The following VAPA variants were observed in gnomAD, a reference collection of about 807,000 sequenced individuals.
VAPA encodes vesicle-associated membrane protein-associated protein A.
Under a neutral mutation model 25.6 loss-of-function variants are expected in VAPA, and 6 were observed. The observed-to-expected ratio is 0.23, with a 90% confidence interval of 0.13 to 0.46. The LOEUF (loss-of-function observed/expected upper bound fraction) is 0.46. VAPA is among the 20% of genes least tolerant of loss of function. The probability of loss-of-function intolerance (pLI) is 0.99; values close to 1 mark genes in which losing one functional copy is unlikely to be tolerated. For synonymous variants in VAPA, 112 were observed against 106.2 expected, an observed-to-expected ratio of 1.05 and a Z score of -0.34; for missense variants, 244 against 302.1, an observed-to-expected ratio of 0.81 and a Z score of 1.43.
intron 4 of VAPA, among the ~76,000 whole-genome samples, chr18:9,945,588 C>A (rs1187752053): frequency 6.6e-6 from 1 of 152,010 alleles, no homozygotes; most frequent in African/African-American, 2.4e-5. Flanking sequence ...TCTCATTAAA[C>A]TCCGACCTCA....
chr18:9,951,262 G>A (rs1483352812), intron 5 of VAPA: 1 of 152,216 alleles, frequency 6.6e-6, no homozygotes, highest in African/African-American at 2.4e-5. Context: ...ACTGTGACTG[G>A]AAAGGCCCAG....
At chr18:9,953,984 T>A in intron 5 of VAPA, 69 bp from the exon 6 acceptor site, 4 of 1,584,642 alleles carry the variant, frequency 2.5e-6, no homozygotes, top group Non-Finnish European at 3.4e-6. Flanking sequence ...CCCTATAGAT[T>A]TTTAGCTCCA....
chr18:9,945,743 C>G (rs369167969), intron 4 of VAPA, among the ~76,000 whole-genome samples: 242 of 152,178 alleles, frequency 1.6e-3, no homozygotes, highest in African/African-American at 5.5e-3. Context: ...AAAAAATTAT[C>G]TAAATGTTTA....
intron 1 of VAPA, among the ~76,000 whole-genome samples, chr18:9,917,764 G>A (rs1362693964): frequency 6.6e-6 from 1 of 152,130 alleles, no homozygotes; most frequent in Non-Finnish European, 1.5e-5. Context: ...GGGACGTATG[G>A]TGTTAACATC....
At chr18:9,946,578 T>C (rs2069426467) in intron 4 of VAPA, among the ~76,000 whole-genome samples, 1 of 151,828 alleles carries the variant, frequency 6.6e-6, no homozygotes, top group African/African-American at 2.4e-5. Context: ...AGCCAGAAGA[T>C]TGGACACCCG....
intron 1 of VAPA, among the ~76,000 whole-genome samples, chr18:9,917,386 G>T (rs879426630): frequency 1.5e-4 from 23 of 152,130 alleles, no homozygotes; most frequent in Non-Finnish European, 2.1e-4. Flanking sequence ...TGCCTCCCGG[G>T]TTCAAGCAAT....
chr18:9,917,777 C>T (rs1186805767), intron 1 of VAPA, among the ~76,000 whole-genome samples: 1 of 151,958 alleles, frequency 6.6e-6, no homozygotes, highest in Admixed American at 6.6e-5. Context: ...TTAACATCAG[C>T]TAGTGCATCT....
At chr18:9,946,664 G>A (rs183570837) in intron 4 of VAPA, among the ~76,000 whole-genome samples, 242 of 152,136 alleles carry the variant, frequency 1.6e-3, no homozygotes, top group African/African-American at 5.5e-3. Context: ...GGCACTTACT[G>A]TGAATGGATC....
chr18:9,921,625 C>T (rs1174410181), intron 1 of VAPA, among the ~76,000 whole-genome samples: 2 of 152,112 alleles, frequency 1.3e-5, no homozygotes, highest in African/African-American at 4.8e-5. Flanking sequence ...TTCTTTTTAT[C>T]TTACCTTTAC....
Position 9,933,978 on chromosome 18 carries a change from T to G in VAPA, c.232+2016T>G, listed in dbSNP as rs565692005. 2.0e-5 allele frequency among the ~76,000 whole-genome samples: 3 copies of G among 152,358 alleles called. No individual in the cohort carries two copies. The East Asian group carries it at 5.8e-4, about 29-fold the overall frequency. ...TTGCTGGTTTCTGTGTATTAATATT[T>G]CTTGAGAAAACAACGTATCAAAACA... On this transcript the variant is annotated intron_variant, in intron 2 of 5. Coordinates refer to ENST00000400000, the MANE Select transcript of VAPA (RefSeq NM_194434.3).
intron 1 of VAPA, among the ~76,000 whole-genome samples, chr18:9,922,773 T>A (rs1478687865): frequency 6.6e-6 from 1 of 152,126 alleles, no homozygotes; most frequent in Non-Finnish European, 1.5e-5. Context: ...CAGGAATTAG[T>A]TTCTCTTGAA....
intron 1 of VAPA, among the ~76,000 whole-genome samples, chr18:9,918,706 C>T (rs886319729): frequency 4.6e-5 from 7 of 152,164 alleles, no homozygotes; most frequent in Non-Finnish European, 8.8e-5. Context: ...GAGGTTTTCT[C>T]TTTATCTTCC....
At chr18:9,918,555 C>T (rs563023355) in intron 1 of VAPA, among the ~76,000 whole-genome samples, 5 of 152,310 alleles carry the variant, frequency 3.3e-5, no homozygotes, top group Admixed American at 1.3e-4. Context: ...GCTTCTATAA[C>T]AGCATTGTCT....
At chr18:9,949,236 A>AG (rs1382026217) in intron 4 of VAPA, 3 of 152,226 alleles carry the variant, frequency 2.0e-5, no homozygotes, top group African/African-American at 4.8e-5. Flanking sequence ...GAATTGAAGT[A>AG]GGCTGCTTTA....
chr18:9,942,099 G>C (rs1356808710), intron 4 of VAPA, among the ~76,000 whole-genome samples: 1 of 152,048 alleles, frequency 6.6e-6, no homozygotes, highest in Admixed American at 6.6e-5. Flanking sequence ...GAACTCTGTG[G>C]ATGGCATTTG....
intron 1 of VAPA, chr18:9,915,966 T>A (rs1392519571): frequency 6.6e-6 from 1 of 152,190 alleles, no homozygotes; most frequent in Admixed American, 6.5e-5. Context: ...GATAATTTAA[T>A]GTAAATCTGT....
At chr18:9,916,924 T>C (rs909191604) in intron 1 of VAPA, among the ~76,000 whole-genome samples, 2 of 152,354 alleles carry the variant, frequency 1.3e-5, no homozygotes, top group Non-Finnish European at 1.5e-5. Context: ...TTTTCTTTTA[T>C]ACACCTAACA....
chr18:9,954,036 G>A lies in VAPA; in HGVS notation c.592-17G>A, dbSNP rs755585345. ...GCTTGTTTTTAAAAACCTTTTGTGT[G>A]TGTGTTTTTTTTCTAGGATGAAGGT... On this transcript the variant is annotated splice_polypyrimidine_tract_variant and intron_variant, in intron 5 of 5. Coordinates refer to ENST00000400000, the MANE Select transcript of VAPA (RefSeq NM_194434.3). The A allele has an allele frequency of 2.5e-6, 4 of 1,612,822 alleles. No homozygotes were observed. The highest frequency in any genetic ancestry group is 1.3e-5 in the African/African-American group (1 of 74,780).
At chr18:9,930,180 TTA>T (rs1331549079) in intron 1 of VAPA, among the ~76,000 whole-genome samples, 1 of 152,136 alleles carries the variant, frequency 6.6e-6, no homozygotes, top group East Asian at 1.9e-4. Flanking sequence ...ACTTACATAA[TTA>T]TGTTATGAAA....
Sources: gnomAD v4.1 joint callset for allele counts (sites outside exome capture counted in the v4.1 genomes callset) on GRCh38, gnomAD v4.1.1 for gene constraint, MANE v1.5 for transcripts, NCBI Gene and HGNC (gene_info 2026-07-23, HGNC 2026-07-21) for gene names.